The following ZNF660 variants were observed in gnomAD, a reference collection of about 807,000 sequenced individuals.
The protein encoded by ZNF660 is zinc finger protein 660.
A neutral mutation model predicts 23.2 loss-of-function variants in ZNF660; 24 were observed. That is an observed-to-expected ratio of 1.04 (90% CI 0.75 to 1.46). The LOEUF is 1.46. Among genes scored for constraint, ZNF660 ranks in the 40% most tolerant of loss-of-function variants. The probability of loss-of-function intolerance (pLI) is 0.00; values close to 1 mark genes in which losing one functional copy is unlikely to be tolerated. For missense variants in ZNF660, 373 were observed against 396.8 expected (o/e 0.94, Z 0.51); for synonymous variants, 117 against 131.4 (o/e 0.89, Z 0.75).
At chr3:44,593,087 C>G (rs1700486851) in intron 2 of ZNF660, among the ~76,000 whole-genome samples, 1 of 151,868 alleles carries the variant, frequency 6.6e-6, no homozygotes, top group Non-Finnish European at 1.5e-5. Context: ...AACTATAGGC[C>G]AGCCCCTATG....
intron 2 of ZNF660, among the ~76,000 whole-genome samples, chr3:44,588,061 AAAAGAAAG>A (rs773728015): frequency 2.0e-5 from 3 of 152,310 alleles, no homozygotes; most frequent in South Asian, 2.1e-4. Flanking sequence ...GTCTCAGAAA[AAAAGAAAG>A]AAAGAAAGAA....
intron 2 of ZNF660, among the ~76,000 whole-genome samples, chr3:44,590,585 A>G (rs1213299895): frequency 6.6e-6 from 1 of 152,214 alleles, no homozygotes; most frequent in Non-Finnish European, 1.5e-5. Flanking sequence ...AGGGGGACAC[A>G]AACATTCAGT....
In ZNF660 at chr3:44,595,826, G is replaced by T. The variant is rs1221951639; in HGVS notation, c.*637G>T. The T allele has an allele frequency of 1.2e-5, 2 of 167,098 alleles. No individual in the cohort carries two copies. 10.4% of individuals were successfully genotyped at this position (167,098 alleles called of 1,614,324 possible). ...TTAGCAGCAGTGGAACCGCGAGCAA[G>T]TCCCTTCCTTTTAGAGCGTGTTTCC... On this transcript the variant is annotated 3_prime_UTR_variant, in exon 3 of 3. Transcript: ENST00000322734.
At chr3:44,592,923 G>A (rs1196680138) in intron 2 of ZNF660, among the ~76,000 whole-genome samples, 1 of 152,094 alleles carries the variant, frequency 6.6e-6, no homozygotes, top group Non-Finnish European at 1.5e-5. Context: ...CGTGGTGGCG[G>A]GCGCCTGTAG....
Position 44,594,839 on chromosome 3 carries a change from A to G in ZNF660, c.646A>G (p.Lys216Glu), listed in dbSNP as rs1700558098. The G allele has an allele frequency of 1.2e-6, 2 of 1,614,202 alleles. No individual in the cohort carries two copies. Among genetic ancestry groups the G allele is most frequent in the South Asian group, 2.2e-5 (2 of 91,082 alleles). ...MDHQRIHTGE[K>E]PYECDECGKT... ...CCATCAGAGAATTCACACTGGAGAGAAGCCTTATGAATGTGATGAGTGTGG... is the reference window on the plus strand; with the variant it reads ...CCATCAGAGAATTCACACTGGAGAGGAGCCTTATGAATGTGATGAGTGTGG... The change falls in exon 3 of 3, where the codon AAG (lysine) becomes GAG (glutamate). Residue 216 changes from lysine (K) to glutamate (E), a missense_variant. By Grantham distance (56) the Lys-to-Glu change is moderately conservative (BLOSUM62 1). Coordinates refer to ENST00000322734, the MANE Select transcript of ZNF660 (RefSeq NM_173658.4).
rs1700678362 is a variant in ZNF660, at chr3:44,598,137, CTTTTCTTTTTTTT to C, written c.*2953_*2965del. 1 of 128,230 alleles carries C rather than the reference CTTTTCTTTTTTTT, an allele frequency of 7.8e-6. No homozygotes were observed. Among genetic ancestry groups the C allele is most frequent in the Admixed American group, 8.4e-5 (1 of 11,902 alleles). 7.9% of individuals were successfully genotyped at this position (128,230 alleles called of 1,614,324 possible). A position where few individuals can be genotyped will look rare whatever the true frequency, so the allele number is the denominator to read the frequency against. On this transcript the variant is annotated 3_prime_UTR_variant, in exon 3 of 3. Transcript: ENST00000322734. ...GCTTTCTTTTTCTTTCTTTTCTTTT[CTTTTCTTTTTTTT>C]TTTTTTTTGAGATGGAATCTCGCAC...
chr3:44,587,656 C>G (rs1284313275), intron 2 of ZNF660, among the ~76,000 whole-genome samples: 1 of 152,264 alleles, frequency 6.6e-6, no homozygotes, highest in Non-Finnish European at 1.5e-5. Flanking sequence ...CCTGCTTCCT[C>G]CTCAGCTCCT....
chr3:44,585,295 G>A (rs1007065546), intron 1 of ZNF660, among the ~76,000 whole-genome samples: 2 of 152,138 alleles, frequency 1.3e-5, no homozygotes, highest in African/African-American at 4.8e-5. Context: ...AGTAGCGGTC[G>A]AGTCCCGCCT....
At chr3:44,585,171 T>C (rs948565493) in intron 1 of ZNF660, among the ~76,000 whole-genome samples, 164 bp downstream of exon 1, 4 of 152,154 alleles carry the variant, frequency 2.6e-5, no homozygotes, top group Admixed American at 2.6e-4. Flanking sequence ...CGTTCAGTGC[T>C]GCCCCTTTGT....
rs1700664282 is a variant in ZNF660, at chr3:44,597,888, C to T, written c.*2699C>T. Reference sequence around the variant, plus strand: ...AGGAGGCCATCACCCATCTTCTAGGCTAATACCTGCCTTGAGCTGTAGGAA... The same window carrying T: ...AGGAGGCCATCACCCATCTTCTAGGTTAATACCTGCCTTGAGCTGTAGGAA... On this transcript the variant is annotated 3_prime_UTR_variant, in exon 3 of 3. Transcript: ENST00000322734. This position sits in a 1 kb window ranked among gnomAD's most constrained non-coding sequence, Gnocchi z 4.1. The T allele has an allele frequency of 6.6e-6, 1 of 152,228 alleles. No individual in the cohort carries two copies. Among genetic ancestry groups the T allele is most frequent in the Non-Finnish European group, 1.5e-5 (1 of 68,062 alleles). 9.4% of individuals were successfully genotyped at this position (152,228 alleles called of 1,614,324 possible). A position where few individuals can be genotyped will look rare whatever the true frequency, so the allele number is the denominator to read the frequency against.
Position 44,595,290 on chromosome 3 carries a change from TAAGAA to T in ZNF660, c.*104_*108del. ...ACTTCTAAGAATCATACTCTACTTC[TAAGAA>T]AATAATTAGAAGTAGACAAAGATTA... On this transcript the variant is annotated 3_prime_UTR_variant, in exon 3 of 3. Coordinates refer to ENST00000322734, the MANE Select transcript of ZNF660 (RefSeq NM_173658.4). 4 of 1,309,722 alleles carry T rather than the reference TAAGAA, an allele frequency of 3.1e-6. No individual in the cohort carries two copies. The highest frequency in any genetic ancestry group is 3.1e-6 in the Non-Finnish European group (3 of 970,406). 81.1% of individuals were successfully genotyped at this position (1,309,722 alleles called of 1,614,324 possible).
At chr3:44,585,050 T>A (rs1575393820) in intron 1 of ZNF660, 43 bp downstream of exon 1, 1 of 152,512 alleles carries the variant, frequency 6.6e-6, no homozygotes, top group East Asian at 1.9e-4. Context: ...TCGGGCCGGG[T>A]TCTGGGAGCG....
chr3:44,594,549 C>T lies in ZNF660; in HGVS notation c.356C>T (p.Ser119Leu). The T allele has an allele frequency of 6.2e-7, 1 of 1,614,048 alleles. No individual in the cohort carries two copies. Among genetic ancestry groups the T allele is most frequent in the Non-Finnish European group, 8.5e-7 (1 of 1,180,016 alleles). Residue 119 changes from serine to leucine, a missense_variant, in exon 3 of 3, where the codon TCA becomes TTA. Physicochemically the swap from Ser to Leu is moderately radical, Grantham distance 145. Coordinates refer to ENST00000322734, the MANE Select transcript of ZNF660 (RefSeq NM_173658.4). The part of the protein sequence containing the change: ...SECGKSFSGK[S>L]HLIRHQGIHS... ...TGTGGGAAATCTTTCAGTGGAAAGT[C>T]ACATCTTATTCGGCACCAGGGAATC... is the stretch of plus-strand genomic sequence containing the variant.
chr3:44,589,867 C>T (rs1022150371), intron 2 of ZNF660, among the ~76,000 whole-genome samples: 4 of 150,548 alleles, frequency 2.7e-5, no homozygotes, highest in African/African-American at 9.8e-5. Context: ...GCTAGGAATA[C>T]AGGGTAAGCA....
At chr3:44,592,235 G>A (rs549740287) in intron 2 of ZNF660, among the ~76,000 whole-genome samples, 3 of 152,280 alleles carry the variant, frequency 2.0e-5, no homozygotes, top group Admixed American at 6.5e-5. Context: ...CCTGTTCCAT[G>A]TGTAAACATT....
chr3:44,595,231 TA>T lies in ZNF660; in HGVS notation c.*47del. On this transcript the variant is annotated 3_prime_UTR_variant, in exon 3 of 3. Transcript: ENST00000322734. Reference sequence around the variant, plus strand: ...GTAGTAGGGCTGACTGCTGCTTTTCTAAAAAGTAGTTCTTTAGTATCAACTT... The same window carrying T: ...GTAGTAGGGCTGACTGCTGCTTTTCTAAAAGTAGTTCTTTAGTATCAACTT... 1 of 1,502,312 alleles carries T rather than the reference TA, an allele frequency of 6.7e-7. No homozygotes were observed. Among genetic ancestry groups the T allele is most frequent in the Non-Finnish European group, 8.9e-7 (1 of 1,126,616 alleles). 93.1% of individuals were successfully genotyped at this position (1,502,312 alleles called of 1,614,324 possible). A position where few individuals can be genotyped will look rare whatever the true frequency, so the allele number is the denominator to read the frequency against.
At position 44,594,287 on chromosome 3, in the gene ZNF660, AGT is replaced by A; in HGVS notation, c.95_96del (p.Ser32ThrfsTer4). 2 of 1,614,088 alleles carry A rather than the reference AGT, an allele frequency of 1.2e-6. No homozygotes were observed. The highest frequency in any genetic ancestry group is 1.7e-6 in the Non-Finnish European group (2 of 1,180,038). On this transcript the variant is annotated frameshift_variant, in exon 3 of 3. Coordinates refer to ENST00000322734, the MANE Select transcript of ZNF660 (RefSeq NM_173658.4). LOFTEE classifies it high-confidence loss of function. ...TGACCAAGAATCTGAAAAAGACAAT[AGT>A]CAGTGCTGTGACCCTGCAACAAATG... Reference protein sequence around the residue: ...GSDQESEKDNSQCCDPATNER... With the variant: ...GSDQESEKDNXQCCDPATNER...
Position 44,595,536 on chromosome 3 carries a change from G to T in ZNF660, c.*347G>T, listed in dbSNP as rs1371525434. 1 of 187,862 alleles carries T rather than the reference G, an allele frequency of 5.3e-6. No homozygotes were observed. The highest frequency in any genetic ancestry group is 1.2e-5 in the Non-Finnish European group (1 of 81,128). The allele number at this position is 187,862 out of a possible 1,614,324, so 11.6% of individuals were successfully genotyped here. A position where few individuals can be genotyped will look rare whatever the true frequency, so the allele number is the denominator to read the frequency against. On this transcript the variant is annotated 3_prime_UTR_variant, in exon 3 of 3. Transcript: ENST00000322734. ...AAATTTAAAAAAATATTTTTGCATA[G>T]GAAAAATTGAGAAGGAAGTAAACCA...
chr3:44,587,699 C>T (rs190528562), intron 2 of ZNF660, among the ~76,000 whole-genome samples: 120 of 152,336 alleles, frequency 7.9e-4, no homozygotes, highest in African/African-American at 2.7e-3. Flanking sequence ...TACAGTGCAT[C>T]GCTGTGCATT....
Sources: gnomAD v4.1 joint callset for allele counts (sites outside exome capture counted in the v4.1 genomes callset) on GRCh38, gnomAD v4.1.1 for gene constraint, Gnocchi (gnomAD v3.1) non-coding constraint, MANE v1.5 for transcripts, NCBI Gene and HGNC (gene_info 2026-07-23, HGNC 2026-07-21) for gene names.